Variants in RAD51B observed in about 807,000 individuals in gnomAD.
RAD51B encodes the protein RAD51 paralog B, also known as DNA repair protein RAD51 homolog 2.
Under a neutral mutation model 42.2 loss-of-function variants are expected in RAD51B, and 38 were observed. The ratio of observed to expected loss-of-function variants is 0.90; its 90% CI spans 0.70 to 1.18. The LOEUF (loss-of-function observed/expected upper bound fraction) is 1.18. Ranked by LOEUF, RAD51B falls within the 50% of genes most tolerant of loss-of-function variation. The pLI, the probability that RAD51B is intolerant of heterozygous loss-of-function variation, is 0.00. For synonymous variants in RAD51B, 154 were observed against 145.2 expected (o/e 1.06, Z -0.43); for missense variants, 373 against 400.7 (o/e 0.93, Z 0.59).
At chr14:68,568,035 T>C (rs1889508664) in intron 10 of RAD51B, among the ~76,000 whole-genome samples, 1 of 152,202 alleles carries the variant, frequency 6.6e-6, no homozygotes, top group Admixed American at 6.5e-5. Flanking sequence ...TTCCAGGACC[T>C]GAAAAAGAAA....
intron 10 of RAD51B, among the ~76,000 whole-genome samples, chr14:68,617,752 C>T (rs1352131976): frequency 6.6e-6 from 1 of 152,148 alleles, no homozygotes; most frequent in Non-Finnish European, 1.5e-5. Flanking sequence ...CATAGTTCTG[C>T]ACTGTGTGTT....
chr14:68,507,284 C>T (rs555637882), intron 10 of RAD51B, among the ~76,000 whole-genome samples: 1 of 152,230 alleles, frequency 6.6e-6, no homozygotes, highest in East Asian at 1.9e-4. Context: ...CGGGTGTCCT[C>T]GTGTGTGTTT....
intron 7 of RAD51B, among the ~76,000 whole-genome samples, chr14:67,958,117 CT>C (rs2074588155): frequency 6.6e-6 from 1 of 152,176 alleles, no homozygotes. Context: ...TTGGGAATGT[CT>C]GTTTATATGT....
intron 9 of RAD51B, among the ~76,000 whole-genome samples, chr14:68,460,730 A>C (rs1473915643): frequency 6.6e-6 from 1 of 152,178 alleles, no homozygotes; most frequent in Non-Finnish European, 1.5e-5. Context: ...TGGAAGTGGG[A>C]TCAGGCCAGG....
intron 7 of RAD51B, among the ~76,000 whole-genome samples, chr14:68,268,254 A>T (rs1566772216): frequency 6.6e-6 from 1 of 152,244 alleles, no homozygotes; most frequent in African/African-American, 2.4e-5. Flanking sequence ...GTGTGCACAT[A>T]CACACATACA....
At chr14:68,353,395 C>G (rs1218986760) in intron 8 of RAD51B, among the ~76,000 whole-genome samples, 1 of 152,166 alleles carries the variant, frequency 6.6e-6, no homozygotes, top group Non-Finnish European at 1.5e-5. Flanking sequence ...GGTATTTTGT[C>G]CCAACAGCTG....
chr14:68,488,055 T>A (rs1282087838), intron 10 of RAD51B, among the ~76,000 whole-genome samples: 4 of 151,984 alleles, frequency 2.6e-5, no homozygotes, highest in Admixed American at 1.3e-4. Flanking sequence ...GGAGGGTGCA[T>A]GAGACAGGAA....
intron 9 of RAD51B, among the ~76,000 whole-genome samples, chr14:68,426,046 TTCTCTC>T (rs1221192647): frequency 1.3e-5 from 2 of 148,698 alleles, no homozygotes; most frequent in African/African-American, 5.0e-5. Context: ...CTTTCTCTCT[TTCTCTC>T]TCTCTCTCTT....
chr14:68,124,948 CAA>C (rs199751390), intron 7 of RAD51B: 9 of 120,560 alleles, frequency 7.5e-5, no homozygotes, highest in Admixed American at 2.6e-4. Context: ...GACTCTGACT[CAA>C]AAAAAAAAAA....
chr14:68,183,207 C>G (rs548541158), intron 7 of RAD51B, among the ~76,000 whole-genome samples: 5 of 152,300 alleles, frequency 3.3e-5, no homozygotes, highest in African/African-American at 1.2e-4. Context: ...GTCCAAGTCC[C>G]AAGACCTCAA....
intron 7 of RAD51B, among the ~76,000 whole-genome samples, chr14:67,903,155 G>A (rs2043668328): frequency 6.6e-6 from 1 of 152,112 alleles, no homozygotes; most frequent in Non-Finnish European, 1.5e-5. Context: ...ACCGCGCCTG[G>A]CCTGAGAAAA....
chr14:68,080,260 C>T (rs186570859), intron 7 of RAD51B, among the ~76,000 whole-genome samples: 45 of 152,302 alleles, frequency 3.0e-4, no homozygotes, highest in Middle Eastern at 3.4e-3. Flanking sequence ...GTGTTTCCTT[C>T]CCCAGATGTA....
intron 7 of RAD51B, among the ~76,000 whole-genome samples, chr14:68,231,436 C>T (rs1212457667): frequency 6.6e-6 from 1 of 152,002 alleles, no homozygotes; most frequent in Non-Finnish European, 1.5e-5. Flanking sequence ...AAATTCCCTC[C>T]TTTTTCCTTT....
intron 10 of RAD51B, among the ~76,000 whole-genome samples, chr14:68,510,869 G>A (rs1027513498): frequency 6.6e-6 from 1 of 152,192 alleles, no homozygotes; most frequent in Non-Finnish European, 1.5e-5. Context: ...ATTTGTAGCT[G>A]CTACATAGCA....
At chr14:68,426,011 T>TTCCTTCCTTC in intron 9 of RAD51B, among the ~76,000 whole-genome samples, 1 of 65,452 alleles carries the variant, frequency 1.5e-5, no homozygotes, top group African/African-American at 5.3e-5. Context: ...TTCCTTCCTT[T>TTCCTTCCTTC]CTTTCTTTCT....
At chr14:68,022,693 G>T (rs896326965) in intron 7 of RAD51B, among the ~76,000 whole-genome samples, 2 of 151,132 alleles carry the variant, frequency 1.3e-5, no homozygotes, top group African/African-American at 4.9e-5. Context: ...ACATGTGCAC[G>T]TTCATTACAT....
chr14:68,596,905 G>A (rs1218428686), downstream of RAD51B, among the ~76,000 whole-genome samples: 1 of 152,204 alleles, frequency 6.6e-6, no homozygotes, highest in Non-Finnish European at 1.5e-5. Context: ...CTGGCCGACT[G>A]TTCCAGCCGG....
intron 7 of RAD51B, among the ~76,000 whole-genome samples, chr14:68,267,533 C>A (rs2081016671): frequency 6.6e-6 from 1 of 152,006 alleles, no homozygotes; most frequent in Non-Finnish European, 1.5e-5. Context: ...GGTTATTTGG[C>A]AAACACTAAT....
At chr14:67,967,567 A>G (rs528690989) in intron 7 of RAD51B, among the ~76,000 whole-genome samples, 3 of 152,360 alleles carry the variant, frequency 2.0e-5, no homozygotes, top group South Asian at 4.1e-4. Context: ...CAAAGGGGCT[A>G]CAGGGCCCAT....
Sources: allele counts gnomAD v4.1 joint callset (sites outside exome capture counted in the v4.1 genomes callset), GRCh38; gene constraint gnomAD v4.1.1; transcripts MANE v1.5; gene names NCBI Gene and HGNC (gene_info 2026-07-23, HGNC 2026-07-21).